HCN1: variants seen among roughly 807,000 people sequenced by gnomAD.
HCN1 encodes the protein potassium/sodium hyperpolarization-activated cyclic nucleotide-gated channel 1.
HCN1 carries 13 observed loss-of-function variants against 78.9 expected under a neutral mutation model. The observed-to-expected ratio is 0.16, with a 90% CI of 0.11 to 0.26. HCN1 has a LOEUF of 0.26. Ranked by LOEUF, HCN1 falls within the 10% of genes least tolerant of loss-of-function variation. The probability of loss-of-function intolerance (pLI) is 1.00; values close to 1 mark genes in which losing one functional copy is unlikely to be tolerated. For missense variants in HCN1, 810 were observed against 1,154.3 expected (o/e 0.70, Z 4.32); for synonymous variants, 552 against 455.5 (o/e 1.21, Z -2.70).
intron 3 of HCN1, among the ~76,000 whole-genome samples, chr5:45,449,647 A>G (rs1002508851): frequency 1.3e-5 from 2 of 151,112 alleles, no homozygotes; most frequent in Non-Finnish European, 2.9e-5. Flanking sequence ...CAACCTTCCC[A>G]GCATGCTAGA....
At chr5:45,467,544 C>T (rs996395372) in intron 2 of HCN1, among the ~76,000 whole-genome samples, 5 of 151,930 alleles carry the variant, frequency 3.3e-5, no homozygotes, top group African/African-American at 1.2e-4. Flanking sequence ...CCTTGTATAC[C>T]TAAACTTTGG....
intron 5 of HCN1, among the ~76,000 whole-genome samples, chr5:45,339,314 A>G (rs990236237): frequency 6.6e-6 from 1 of 152,224 alleles, no homozygotes; most frequent in Non-Finnish European, 1.5e-5. Context: ...GTAGTGACAG[A>G]AAATTTATGA....
intron 5 of HCN1, among the ~76,000 whole-genome samples, chr5:45,306,333 C>A (rs1199168266): frequency 6.6e-6 from 1 of 152,120 alleles, no homozygotes; most frequent in Admixed American, 6.6e-5. Context: ...ATTTGATAAG[C>A]AATTAACCTG....
At chr5:45,385,585 T>C (rs982484182) in intron 4 of HCN1, among the ~76,000 whole-genome samples, 10 of 152,174 alleles carry the variant, frequency 6.6e-5, no homozygotes, top group African/African-American at 2.4e-4. Context: ...GTGAATTTTC[T>C]GAAAATCTAT....
chr5:45,269,175 G>C (rs1355739097), intron 6 of HCN1, among the ~76,000 whole-genome samples: 1 of 152,192 alleles, frequency 6.6e-6, no homozygotes, highest in Non-Finnish European at 1.5e-5. Context: ...CAGTAAGTGG[G>C]CACAGGAATC....
At chr5:45,380,585 G>T (rs16902122) in intron 4 of HCN1, among the ~76,000 whole-genome samples, 2,502 of 152,064 alleles carry the variant, frequency 0.016, 76 homozygotes, top group African/African-American at 0.058. Context: ...GAAGAAAATG[G>T]TAAAAATGAT....
In HCN1 at chr5:45,262,138, A is replaced by C. The variant is rs777848314; in HGVS notation, c.2456T>G (p.Val819Gly). The C allele has an allele frequency of 6.2e-7, 1 of 1,613,436 alleles. No individual in the cohort carries two copies. The highest frequency in any genetic ancestry group is 8.5e-7 in the Non-Finnish European group (1 of 1,179,624). Residue 819 changes from valine (V) to glycine (G), a missense_variant, in exon 8 of 8, where the codon GTG becomes GGG. Around this residue, in one of 6 missense-constraint regions of HCN1, gnomAD observed 398 missense variants for 381.3 expected, o/e 1.04. Transcript: ENST00000303230. ...AAGGCCCGTTCCGGGGACCGCCGTC[A>C]CGGGTTGAGGGATGGAGGCCAGGGA... ...GESLASIPQP[V>G]TAVPGTGLQA...
chr5:45,353,451 C>G (rs568792178), intron 4 of HCN1, among the ~76,000 whole-genome samples: 2 of 151,928 alleles, frequency 1.3e-5, no homozygotes, highest in South Asian at 4.2e-4. Flanking sequence ...TTTAGGTGCA[C>G]ATTTCATGGA....
intron 2 of HCN1, among the ~76,000 whole-genome samples, chr5:45,512,947 G>A (rs1445167472): frequency 6.6e-6 from 1 of 152,100 alleles, no homozygotes; most frequent in Non-Finnish European, 1.5e-5. Context: ...CATTTACTAA[G>A]TTCCAACTCA....
chr5:45,585,347 T>A (rs760246428), intron 2 of HCN1, among the ~76,000 whole-genome samples: 4 of 152,226 alleles, frequency 2.6e-5, no homozygotes, highest in Non-Finnish European at 5.9e-5. Flanking sequence ...GCATTGGTCA[T>A]GTAGTTCTCG....
chr5:45,595,090 G>A (rs1262454708), intron 2 of HCN1, among the ~76,000 whole-genome samples: 1 of 152,098 alleles, frequency 6.6e-6, no homozygotes, highest in African/African-American at 2.4e-5. Context: ...CAAAAAGGCA[G>A]GATATTTTTT....
chr5:45,658,224 C>T (rs948551984), intron 1 of HCN1, among the ~76,000 whole-genome samples: 31 of 152,252 alleles, frequency 2.0e-4, no homozygotes, highest in African/African-American at 7.5e-4. Flanking sequence ...TTACACCTTA[C>T]ACAAAAATTA....
At chr5:45,652,541 T>C (rs1406345377) in intron 1 of HCN1, among the ~76,000 whole-genome samples, 2 of 152,000 alleles carry the variant, frequency 1.3e-5, no homozygotes, top group Non-Finnish European at 2.9e-5. Context: ...TTAAGGTAAA[T>C]GGTCCTCAAA....
intron 5 of HCN1, among the ~76,000 whole-genome samples, chr5:45,327,859 A>G (rs1393873706): frequency 6.6e-6 from 1 of 151,594 alleles, no homozygotes; most frequent in African/African-American, 2.4e-5. Flanking sequence ...CCTCAGAAGA[A>G]ACTAGACCTG....
At chr5:45,665,743 A>T (rs1474768361) in intron 1 of HCN1, among the ~76,000 whole-genome samples, 2 of 152,120 alleles carry the variant, frequency 1.3e-5, no homozygotes, top group East Asian at 1.9e-4. Flanking sequence ...GTGTCACATA[A>T]CAGAAAAGAT....
At chr5:45,462,219 A>C (rs921005497) in intron 2 of HCN1, among the ~76,000 whole-genome samples, 1 of 152,138 alleles carries the variant, frequency 6.6e-6, no homozygotes, top group Non-Finnish European at 1.5e-5. Context: ...ACTATGTCTC[A>C]TGAGCAACAG....
chr5:45,495,965 T>C (rs1391554783), intron 2 of HCN1, among the ~76,000 whole-genome samples: 1 of 152,188 alleles, frequency 6.6e-6, no homozygotes, highest in Non-Finnish European at 1.5e-5. Context: ...TTGATCATGG[T>C]GGATAAGCTT....
intron 3 of HCN1, among the ~76,000 whole-genome samples, chr5:45,400,507 T>G (rs1455374416): frequency 6.6e-6 from 1 of 151,536 alleles, no homozygotes; most frequent in Non-Finnish European, 1.5e-5. Context: ...CAAGTGATTC[T>G]TTTGCCTCAG....
chr5:45,622,875 C>T (rs1311325871), intron 2 of HCN1, among the ~76,000 whole-genome samples: 2 of 152,076 alleles, frequency 1.3e-5, no homozygotes, highest in East Asian at 3.9e-4. Context: ...ATAATGATAC[C>T]GAAGCAGGAG....
Sources: allele counts gnomAD v4.1 joint callset (sites outside exome capture counted in the v4.1 genomes callset), GRCh38; gene constraint gnomAD v4.1.1; regional missense constraint gnomAD v4.1.1; transcripts MANE v1.5; gene names NCBI Gene and HGNC (gene_info 2026-07-23, HGNC 2026-07-21).